SREBF2: variants seen among roughly 807,000 people sequenced by gnomAD.
SREBF2 encodes the protein sterol regulatory element-binding protein 2.
In SREBF2, 55 loss-of-function variants were observed where a neutral mutation model predicts 113.1. The ratio of observed to expected loss-of-function variants is 0.49; its 90% CI spans 0.39 to 0.61. The LOEUF is 0.61. Ranked by LOEUF, SREBF2 falls within the 20% of genes least tolerant of loss-of-function variation. The pLI is 0.00. For synonymous variants in SREBF2, 593 were observed against 605.7 expected (o/e 0.98, Z 0.31); for missense variants, 1,349 against 1,487.4 (o/e 0.91, Z 1.53).
At chr22:41,874,328 G>A (rs1476285073) in intron 5 of SREBF2, among the ~76,000 whole-genome samples, 1 of 152,134 alleles carries the variant, frequency 6.6e-6, no homozygotes, top group Non-Finnish European at 1.5e-5. Context: ...TCCAGATACA[G>A]GACTGTGTGT....
At chr22:41,864,357 GT>G (rs2077056116) in intron 1 of SREBF2, among the ~76,000 whole-genome samples, 1 of 122,722 alleles carries the variant, frequency 8.1e-6, no homozygotes, top group Admixed American at 9.2e-5. Flanking sequence ...GTCTCGCTCT[GT>G]TGCCCAGGCT....
chr22:41,896,504 C>T (rs1208645895), intron 13 of SREBF2, among the ~76,000 whole-genome samples: 1 of 152,160 alleles, frequency 6.6e-6, no homozygotes, highest in Non-Finnish European at 1.5e-5. Context: ...GAATTACAGG[C>T]ACGCGCCACC....
At chr22:41,895,431 CTT>C (rs35810171) in intron 13 of SREBF2, among the ~76,000 whole-genome samples, 6 of 106,202 alleles carry the variant, frequency 5.6e-5, no homozygotes, top group Non-Finnish European at 9.5e-5. Context: ...ATGCCCAGGC[CTT>C]TTTTTTTTTT....
intron 15 of SREBF2, chr22:41,899,926 C>CT (rs1178183050): frequency 4.4e-6 from 5 of 1,136,970 alleles, no homozygotes; most frequent in Admixed American, 4.1e-5. Context: ...CAGAAAGAAG[C>CT]TAACTAAGTA....
At position 41,833,447 on chromosome 22, in the gene SREBF2, G is replaced by T; in HGVS notation, c.88+89G>T. On this transcript the variant is annotated intron_variant, in intron 1 of 18. Coordinates refer to ENST00000361204, the MANE Select transcript of SREBF2 (RefSeq NM_004599.4). The surrounding 1 kb of genome is among the most constrained non-coding windows in gnomAD (Gnocchi z 4.1). ...CCGGGTGCGCGTGCGCCCACCCCCC[G>T]ACAGCCCCGGTTCGCGCGGGAAGAA... is the stretch of plus-strand genomic sequence containing the variant. 1.7e-6 allele frequency: 2 copies of T among 1,182,658 alleles called. No individual in the cohort carries two copies. The highest frequency in any genetic ancestry group is 2.8e-5 in the South Asian group (2 of 72,386). 73.3% of individuals were successfully genotyped at this position (1,182,658 alleles called of 1,614,324 possible).
In SREBF2 at chr22:41,877,566, TG is replaced by T. The variant is rs1390909255; in HGVS notation, c.1579+147del. The T allele has an allele frequency of 4.1e-6, 4 of 972,406 alleles. No homozygotes were observed. The East Asian group carries it at 7.9e-5, about 19-fold the overall frequency. The allele number at this position is 972,406 out of a possible 1,614,324, so 60.2% of individuals were successfully genotyped here. ...CCACCTGCTTGCTTCTGATAGGGAC[TG>T]GCATAAGTTCCATTTTAGAAGTAAC... On this transcript the variant is annotated intron_variant, in intron 8 of 18. Transcript: ENST00000361204.
intron 1 of SREBF2, among the ~76,000 whole-genome samples, chr22:41,848,049 G>A (rs1178534066): frequency 6.6e-6 from 1 of 151,692 alleles, no homozygotes; most frequent in Non-Finnish European, 1.5e-5. Context: ...CCGAGTAGCT[G>A]GGACTACAGG....
Position 41,894,828 on chromosome 22 carries a change from A to G in SREBF2, c.2386A>G (p.Ile796Val), listed in dbSNP as rs906083004. The G allele has an allele frequency of 1.2e-5, 20 of 1,613,910 alleles. No individual in the cohort carries two copies. Among genetic ancestry groups the G allele is most frequent in the Non-Finnish European group, 1.6e-5 (19 of 1,179,964 alleles). ...GCCTGTCTCTTTTCCAGCTGACCCC[A>G]TTGCGCAGGTCCACCAGGCCTTCTG... is the stretch of plus-strand genomic sequence containing the variant. The part of the protein sequence containing the change: ...YCAQRNPADP[I>V]AQVHQAFCKN... Residue 796 changes from isoleucine to valine, a missense_variant, in exon 13 of 19, where the codon ATT becomes GTT. By Grantham distance (29) the Ile-to-Val change is conservative. Transcript: ENST00000361204.
At chr22:41,856,982 G>A (rs548687684) in intron 1 of SREBF2, among the ~76,000 whole-genome samples, 1 of 150,732 alleles carries the variant, frequency 6.6e-6, no homozygotes, top group Non-Finnish European at 1.5e-5. Context: ...CAGGAGAGTT[G>A]CTTGAACCTG....
intron 12 of SREBF2, 125 bp from the exon 13 acceptor site, chr22:41,894,675 AGCACAGTAGTTCTGGGCTTT>A: frequency 1.3e-6 from 1 of 787,294 alleles, no homozygotes; most frequent in South Asian, 1.4e-5. Context: ...CCAACTGTTT[AGCACAGTAGTTCTGGGCTTT>A]GGTGGAGAAG....
At chr22:41,884,060 T>TG (rs78290111) in intron 10 of SREBF2, among the ~76,000 whole-genome samples, 54,935 of 152,074 alleles carry the variant, frequency 0.36, 10,310 homozygotes, top group East Asian at 0.64. Flanking sequence ...ACCCAACATG[T>TG]GTTCAGCTGT....
chr22:41,905,289 A>G, intron 18 of SREBF2, 151 bp from the exon 19 acceptor site: 1 of 818,636 alleles, frequency 1.2e-6, no homozygotes, highest in Non-Finnish European at 2.0e-6. Flanking sequence ...AGGCTGGACA[A>G]GTTCACTTCT....
Position 41,906,926 on chromosome 22 carries a change from C to T in SREBF2, c.*1266C>T, listed in dbSNP as rs2077514141. 6.6e-6 allele frequency: 1 copy of T among 152,238 alleles called. No individual in the cohort carries two copies. Among genetic ancestry groups the T allele is most frequent in the African/African-American group, 2.4e-5 (1 of 41,448 alleles). The allele number at this position is 152,238 out of a possible 1,614,324, so 9.4% of individuals were successfully genotyped here. ...CTCCCGGAGACTGTTTCTCCCATGG[C>T]CTCCTGAGTGATGGGCCCTGCCTCC... On this transcript the variant is annotated 3_prime_UTR_variant, in exon 19 of 19. Transcript: ENST00000361204.
At chr22:41,848,572 C>T (rs763472178) in intron 1 of SREBF2, among the ~76,000 whole-genome samples, 3 of 152,144 alleles carry the variant, frequency 2.0e-5, no homozygotes, top group Non-Finnish European at 2.9e-5. Flanking sequence ...ATTGCAGCAT[C>T]GTAGAGCCTA....
chr22:41,896,148 A>G (rs2077414811), intron 13 of SREBF2, among the ~76,000 whole-genome samples: 1 of 151,648 alleles, frequency 6.6e-6, no homozygotes, highest in Non-Finnish European at 1.5e-5. Flanking sequence ...CTCAAAAAAA[A>G]AAAAAGAAAG....
chr22:41,860,696 T>C (rs1047777931), intron 1 of SREBF2, among the ~76,000 whole-genome samples: 14 of 151,970 alleles, frequency 9.2e-5, no homozygotes, highest in African/African-American at 3.1e-4. Flanking sequence ...TTAGACAACA[T>C]AGGGAGACTC....
At chr22:41,847,245 G>C (rs2076884974) in intron 1 of SREBF2, among the ~76,000 whole-genome samples, 1 of 152,206 alleles carries the variant, frequency 6.6e-6, no homozygotes. Context: ...GACAGTTCAG[G>C]TGAAGTGGCT....
intron 16 of SREBF2, chr22:41,900,816 G>T: frequency 1.9e-6 from 1 of 520,046 alleles, no homozygotes; most frequent in Non-Finnish European, 3.7e-6. Context: ...TTGCTCCAGC[G>T]GTTTGCGTGA....
chr22:41,835,384 C>G (rs1044447945), intron 1 of SREBF2, among the ~76,000 whole-genome samples: 1 of 149,040 alleles, frequency 6.7e-6, no homozygotes, highest in Non-Finnish European at 1.5e-5. Context: ...GATCTCGGCT[C>G]ACCGCAACCT....
Sources: allele counts gnomAD v4.1 joint callset (sites outside exome capture counted in the v4.1 genomes callset), GRCh38; gene constraint gnomAD v4.1.1; non-coding constraint Gnocchi (gnomAD v3.1); transcripts MANE v1.5; gene names NCBI Gene and HGNC (gene_info 2026-07-23, HGNC 2026-07-21).